The following PPFIA2 variants were observed in gnomAD, a reference collection of about 807,000 sequenced individuals.
PPFIA2 encodes the protein PPFI scaffold protein A2, also known as liprin-alpha-2.
A neutral mutation model predicts 175.5 loss-of-function variants in PPFIA2; 46 were observed. That is an observed-to-expected ratio of 0.26 (90% confidence interval 0.21 to 0.34). The LOEUF (loss-of-function observed/expected upper bound fraction) is 0.34. Among genes scored for constraint, PPFIA2 ranks in the 10% least tolerant of loss-of-function variants. PPFIA2 has a pLI of 1.00. For synonymous variants in PPFIA2, 568 were observed against 511.4 expected (o/e 1.11, Z -1.49); for missense variants, 1,179 against 1,506.1 (o/e 0.78, Z 3.60).
At chr12:81,363,365 TTAA>T (rs2031771179) in intron 14 of PPFIA2, among the ~76,000 whole-genome samples, 1 of 151,534 alleles carries the variant, frequency 6.6e-6, no homozygotes, top group South Asian at 2.1e-4. Context: ...AAAAGTAAAG[TTAA>T]TAACCAATTA....
In PPFIA2 at chr12:81,518,683, G is replaced by C. The variant is rs573573002; in HGVS notation, c.304-60817C>G. On this transcript the variant is annotated intron_variant, in intron 4 of 32. Transcript: ENST00000549396. ...ACAGAACTCCCTACAAACTTTCCCTGCCTTATCATTTTTTATAATATCTAT... is the reference window on the plus strand; with the variant it reads ...ACAGAACTCCCTACAAACTTTCCCTCCCTTATCATTTTTTATAATATCTAT... 8.5e-5 allele frequency among the ~76,000 whole-genome samples: 13 copies of C among 152,056 alleles called. 1 individual carries two copies. In the South Asian group the frequency reaches 2.7e-3, roughly 32 times the overall value.
At chr12:81,376,808 A>C (rs2036477595) in intron 9 of PPFIA2, among the ~76,000 whole-genome samples, 1 of 152,150 alleles carries the variant, frequency 6.6e-6, no homozygotes, top group Non-Finnish European at 1.5e-5. Flanking sequence ...GGAATTGAGG[A>C]AATGGCTATA....
At chr12:81,312,759 C>T (rs2051255373) in intron 22 of PPFIA2, among the ~76,000 whole-genome samples, 1 of 152,042 alleles carries the variant, frequency 6.6e-6, no homozygotes, top group Non-Finnish European at 1.5e-5. Flanking sequence ...CAACACAATC[C>T]CTGGCAATAG....
intron 31 of PPFIA2, among the ~76,000 whole-genome samples, chr12:81,262,614 A>G (rs897489534): frequency 2.6e-5 from 4 of 152,182 alleles, no homozygotes; most frequent in Admixed American, 1.3e-4. Context: ...TGTGACTACT[A>G]TTTCAAAGTT....
chr12:81,565,395 T>C (rs2071075381), intron 4 of PPFIA2, among the ~76,000 whole-genome samples: 1 of 152,214 alleles, frequency 6.6e-6, no homozygotes, highest in Non-Finnish European at 1.5e-5. Flanking sequence ...TCTTCAGTTT[T>C]GGGACTCGGA....
At chr12:81,296,417 C>T (rs1195971739) in intron 23 of PPFIA2, among the ~76,000 whole-genome samples, 3 of 152,194 alleles carry the variant, frequency 2.0e-5, no homozygotes, top group Non-Finnish European at 4.4e-5. Flanking sequence ...GCACAGGTCT[C>T]GTGCACATCT....
At chr12:81,486,010 T>C (rs536715054) in intron 4 of PPFIA2, among the ~76,000 whole-genome samples, 1 of 152,070 alleles carries the variant, frequency 6.6e-6, no homozygotes, top group African/African-American at 2.4e-5. Flanking sequence ...TTACTTTTCA[T>C]TTAGCTCATT....
intron 4 of PPFIA2, among the ~76,000 whole-genome samples, chr12:81,585,064 A>T (rs1352325884): frequency 3.3e-5 from 4 of 119,716 alleles, no homozygotes; most frequent in African/African-American, 6.2e-5. Flanking sequence ...ATAATTATAT[A>T]ATATATAAAT....
At chr12:81,515,354 T>C (rs1354071432) in intron 4 of PPFIA2, among the ~76,000 whole-genome samples, 1 of 151,930 alleles carries the variant, frequency 6.6e-6, no homozygotes, top group Non-Finnish European at 1.5e-5. Flanking sequence ...CCAACATAGA[T>C]GTAAACACAC....
intron 3 of PPFIA2, among the ~76,000 whole-genome samples, chr12:81,747,467 A>G (rs2083218726): frequency 1.4e-5 from 2 of 144,162 alleles, no homozygotes; most frequent in South Asian, 4.6e-4. Context: ...AATGCTCTCA[A>G]TTTGTGCTAG....
At chr12:81,579,979 A>T (rs1300222714) in intron 4 of PPFIA2, among the ~76,000 whole-genome samples, 1 of 151,832 alleles carries the variant, frequency 6.6e-6, no homozygotes, top group African/African-American at 2.4e-5. Context: ...AATTCCAAGG[A>T]TCTTTTACTC....
intron 7 of PPFIA2, among the ~76,000 whole-genome samples, chr12:81,414,977 G>A (rs2044670935): frequency 6.7e-6 from 1 of 149,950 alleles, no homozygotes; most frequent in African/African-American, 2.4e-5. Flanking sequence ...CATCACTGAA[G>A]CACGTTAAAA....
chr12:81,315,286 C>A (rs1489084550), intron 22 of PPFIA2, among the ~76,000 whole-genome samples: 1 of 151,780 alleles, frequency 6.6e-6, no homozygotes, highest in Admixed American at 6.6e-5. Flanking sequence ...CTGTAATTTT[C>A]TCCAACAGCA....
chr12:81,643,265 A>T (rs2065604821), intron 4 of PPFIA2, among the ~76,000 whole-genome samples: 1 of 151,764 alleles, frequency 6.6e-6, no homozygotes. Flanking sequence ...TCTCTGAAGG[A>T]TAGGTTTTCA....
At chr12:81,291,138 CATTG>C (rs1454042197) in intron 24 of PPFIA2, among the ~76,000 whole-genome samples, 1 of 151,908 alleles carries the variant, frequency 6.6e-6, no homozygotes. Flanking sequence ...AAAAAATTAA[CATTG>C]ATTATCTCTA....
At chr12:81,391,651 T>C (rs1406283197) in intron 8 of PPFIA2, among the ~76,000 whole-genome samples, 7 of 151,946 alleles carry the variant, frequency 4.6e-5, no homozygotes, top group South Asian at 2.1e-4. Flanking sequence ...AGATGAAATA[T>C]AGGATGTACA....
At chr12:81,402,360 A>T (rs1397750624) in intron 8 of PPFIA2, among the ~76,000 whole-genome samples, 2 of 152,142 alleles carry the variant, frequency 1.3e-5, no homozygotes, top group African/African-American at 2.4e-5. Context: ...AAAAATAAGT[A>T]TTAGGCTTTA....
At chr12:81,743,538 A>G (rs1419615143) in intron 3 of PPFIA2, among the ~76,000 whole-genome samples, 1 of 151,438 alleles carries the variant, frequency 6.6e-6, no homozygotes, top group African/African-American at 2.4e-5. Flanking sequence ...AAAAAGAGAA[A>G]TGTAGGTACA....
At chr12:81,274,811 G>A (rs914810084) in intron 28 of PPFIA2, among the ~76,000 whole-genome samples, 44 of 152,286 alleles carry the variant, frequency 2.9e-4, no homozygotes, top group African/African-American at 9.4e-4. Flanking sequence ...ATCAGTCATA[G>A]GAAACAAGCT....
Sources: gnomAD v4.1 joint callset for allele counts (sites outside exome capture counted in the v4.1 genomes callset) on GRCh38, gnomAD v4.1.1 for gene constraint, MANE v1.5 for transcripts, NCBI Gene and HGNC (gene_info 2026-07-23, HGNC 2026-07-21) for gene names.